SGCZ: variants seen among roughly 807,000 people sequenced by gnomAD.
The protein encoded by SGCZ is zeta-sarcoglycan.
SGCZ carries 40 observed loss-of-function variants against 41.3 expected under a neutral mutation model. The observed-to-expected ratio is 0.97, with a 90% CI of 0.75 to 1.26. SGCZ has a LOEUF of 1.26. SGCZ is among the 50% of genes most tolerant of loss of function. SGCZ has a pLI of 0.00. For missense variants in SGCZ, 552 were observed against 369.8 expected, an observed-to-expected ratio of 1.49 and a Z score of -4.04; for synonymous variants, 206 against 137.5, an observed-to-expected ratio of 1.50 and a Z score of -3.49.
intron 2 of SGCZ, among the ~76,000 whole-genome samples, chr8:14,457,463 G>C (rs560653306): frequency 1.6e-4 from 24 of 152,320 alleles, no homozygotes; most frequent in African/African-American, 5.5e-4. Context: ...GGGGAGTTTA[G>C]AGAAGACTCT....
At chr8:14,111,999 C>A (rs1013400532) in intron 5 of SGCZ, among the ~76,000 whole-genome samples, 1 of 152,070 alleles carries the variant, frequency 6.6e-6, no homozygotes, top group East Asian at 1.9e-4. Flanking sequence ...AATGTTATAT[C>A]CTACGCTACT....
intron 5 of SGCZ, among the ~76,000 whole-genome samples, chr8:14,119,547 C>T (rs533315563): frequency 6.6e-6 from 1 of 152,084 alleles, no homozygotes; most frequent in East Asian, 1.9e-4. Flanking sequence ...AATACACATT[C>T]TTTCTTTCTT....
At chr8:14,793,051 T>C (rs1177138591) in intron 1 of SGCZ, among the ~76,000 whole-genome samples, 1 of 152,218 alleles carries the variant, frequency 6.6e-6, no homozygotes, top group Non-Finnish European at 1.5e-5. Flanking sequence ...CTAAATACAA[T>C]ATGTGATCTA....
At chr8:14,513,738 G>A (rs1802531502) in intron 2 of SGCZ, among the ~76,000 whole-genome samples, 1 of 151,974 alleles carries the variant, frequency 6.6e-6, no homozygotes, top group Non-Finnish European at 1.5e-5. Context: ...GAAATATGTG[G>A]CTTTTTCTTC....
At chr8:14,187,722 C>T (rs1348308897) in intron 4 of SGCZ, among the ~76,000 whole-genome samples, 4 of 151,672 alleles carry the variant, frequency 2.6e-5, no homozygotes, top group Admixed American at 6.6e-5. Context: ...AGAATGTGAA[C>T]GTGTGTGTAA....
At chr8:14,796,878 T>G (rs1407641909) in intron 1 of SGCZ, among the ~76,000 whole-genome samples, 1 of 152,162 alleles carries the variant, frequency 6.6e-6, no homozygotes, top group Non-Finnish European at 1.5e-5. Flanking sequence ...TCTGATGGTT[T>G]TATAAGGGGA....
intron 1 of SGCZ, among the ~76,000 whole-genome samples, chr8:14,981,048 T>C (rs1801647280): frequency 6.6e-6 from 1 of 152,292 alleles, no homozygotes; most frequent in South Asian, 2.1e-4. Flanking sequence ...AAATCTTAAT[T>C]AAATATGGCT....
At chr8:14,932,977 C>T (rs1799961147) in intron 1 of SGCZ, among the ~76,000 whole-genome samples, 1 of 151,836 alleles carries the variant, frequency 6.6e-6, no homozygotes, top group South Asian at 2.1e-4. Flanking sequence ...CATGTTCTTG[C>T]TTATAAGTAG....
At chr8:14,228,402 T>C (rs908701250) in intron 4 of SGCZ, among the ~76,000 whole-genome samples, 8 of 152,142 alleles carry the variant, frequency 5.3e-5, no homozygotes, top group African/African-American at 1.9e-4. Context: ...TAACTTATTT[T>C]ACTTTTATCC....
intron 1 of SGCZ, among the ~76,000 whole-genome samples, chr8:14,813,159 C>T (rs1376954997): frequency 6.6e-6 from 1 of 152,108 alleles, no homozygotes; most frequent in Non-Finnish European, 1.5e-5. Flanking sequence ...TCAAAGAGTT[C>T]AAAAACGATG....
chr8:14,116,309 A>G (rs778457839), intron 5 of SGCZ, among the ~76,000 whole-genome samples: 9 of 152,096 alleles, frequency 5.9e-5, no homozygotes, highest in Non-Finnish European at 1.0e-4. Context: ...ATTTTTTAAC[A>G]TAGTGTCTCA....
intron 1 of SGCZ, among the ~76,000 whole-genome samples, chr8:15,038,608 G>C (rs557214104): frequency 1.3e-5 from 2 of 151,786 alleles, no homozygotes; most frequent in African/African-American, 4.8e-5. Context: ...TAGGCAAATG[G>C]AATTGCATCA....
At chr8:14,959,573 G>C (rs1438225182) in intron 1 of SGCZ, among the ~76,000 whole-genome samples, 5 of 152,134 alleles carry the variant, frequency 3.3e-5, no homozygotes, top group Non-Finnish European at 7.4e-5. Flanking sequence ...TATCTATTCA[G>C]TGTATGGGCT....
intron 3 of SGCZ, among the ~76,000 whole-genome samples, chr8:14,285,566 G>A (rs1216579348): frequency 2.6e-5 from 3 of 116,962 alleles, no homozygotes; most frequent in Non-Finnish European, 5.3e-5. Context: ...CCTATCTAAA[G>A]TGTTGATTTT....
At chr8:14,365,007 T>C (rs916817514) in intron 2 of SGCZ, among the ~76,000 whole-genome samples, 2 of 152,078 alleles carry the variant, frequency 1.3e-5, no homozygotes, top group African/African-American at 4.8e-5. Context: ...ATCCATTTGA[T>C]TTTCATCACT....
chr8:14,216,034 C>A (rs1805982957), intron 4 of SGCZ, among the ~76,000 whole-genome samples: 1 of 152,216 alleles, frequency 6.6e-6, no homozygotes, highest in Admixed American at 6.5e-5. Context: ...GCCCTCCAGG[C>A]ATTTATTCAG....
intron 5 of SGCZ, among the ~76,000 whole-genome samples, chr8:14,133,650 G>C (rs934927535): frequency 1.1e-4 from 17 of 152,144 alleles, no homozygotes; most frequent in African/African-American, 4.1e-4. Flanking sequence ...CCATTTTGAA[G>C]TCACTTTTTT....
At chr8:14,172,358 A>C (rs977331185) in intron 4 of SGCZ, among the ~76,000 whole-genome samples, 4 of 152,164 alleles carry the variant, frequency 2.6e-5, no homozygotes, top group Non-Finnish European at 5.9e-5. Flanking sequence ...CTCACCTTTC[A>C]TTTGGAAGGA....
At chr8:15,068,545 A>T (rs951436652) in intron 1 of SGCZ, among the ~76,000 whole-genome samples, 1 of 152,194 alleles carries the variant, frequency 6.6e-6, no homozygotes, top group South Asian at 2.1e-4. Flanking sequence ...CAGAAGTTCA[A>T]TAAGTTGCCA....
Sources: allele counts gnomAD v4.1 joint callset (sites outside exome capture counted in the v4.1 genomes callset), GRCh38; gene constraint gnomAD v4.1.1; transcripts MANE v1.5; gene names NCBI Gene and HGNC (gene_info 2026-07-23, HGNC 2026-07-21).